RAB4B: variants seen among roughly 807,000 people sequenced by gnomAD.
RAB4B encodes the protein RAB4B, member RAS oncogene family.
Under a neutral mutation model 28.3 loss-of-function variants are expected in RAB4B, and 15 were observed. The observed-to-expected ratio is 0.53, with a 90% CI of 0.35 to 0.82. The LOEUF (loss-of-function observed/expected upper bound fraction) is 0.82. Ranked by LOEUF, RAB4B falls within the 40% of genes least tolerant of loss-of-function variation. The probability of loss-of-function intolerance (pLI) is 0.01; values close to 1 mark genes in which losing one functional copy is unlikely to be tolerated. For missense variants in RAB4B, 244 were observed against 288.5 expected (o/e 0.85, Z 1.12); for synonymous variants, 108 against 116.3 (o/e 0.93, Z 0.46).
chr19:40,792,832 G>A (rs1235442120), intron 7 of RAB4B, among the ~76,000 whole-genome samples: 1 of 151,934 alleles, frequency 6.6e-6, no homozygotes, highest in Non-Finnish European at 1.5e-5. Context: ...CCAGGCTGGA[G>A]TGCAGTGGTG....
At chr19:40,794,052 CAATAT>C (rs1048126737) in intron 7 of RAB4B, among the ~76,000 whole-genome samples, 165 of 151,228 alleles carry the variant, frequency 1.1e-3, no homozygotes, top group African/African-American at 3.6e-3. Context: ...CCCAGCCAAC[CAATAT>C]AATATATCTT....
At chr19:40,782,033 A>C (rs1214372485) in intron 3 of RAB4B, among the ~76,000 whole-genome samples, 4 of 151,748 alleles carry the variant, frequency 2.6e-5, no homozygotes, top group African/African-American at 9.7e-5. Flanking sequence ...AAAAAAAAAA[A>C]AAAAAACCTT....
chr19:40,788,615 A>G (rs1165141210), intron 7 of RAB4B, among the ~76,000 whole-genome samples: 2 of 145,760 alleles, frequency 1.4e-5, no homozygotes, highest in African/African-American at 5.1e-5. Flanking sequence ...GAGATGGGGT[A>G]TTGCTCTGTT....
In RAB4B at chr19:40,783,851, G is replaced by T; in HGVS notation, c.275+11G>T. On this transcript the variant is annotated intron_variant, in intron 4 of 7. Coordinates refer to ENST00000357052, the MANE Select transcript of RAB4B (RefSeq NM_016154.5). The stretch of plus-strand genomic sequence containing the variant: ...GTACGACATCACCAGGTGGGTGCCC[G>T]GGGTGGGTGGGGTAGGGCATGGGTG... 6.4e-7 allele frequency: 1 copy of T among 1,569,476 alleles called. No homozygotes were observed. The highest frequency in any genetic ancestry group is 8.7e-7 in the Non-Finnish European group (1 of 1,152,608).
In RAB4B at chr19:40,786,559, A is replaced by AG. The variant is rs1287375595; in HGVS notation, c.431-100dup. 26 of 1,528,124 alleles carry AG rather than the reference A, an allele frequency of 1.7e-5. No homozygotes were observed. The South Asian group carries it at 2.8e-4, about 16-fold the overall frequency. 94.7% of individuals were successfully genotyped at this position (1,528,124 alleles called of 1,614,324 possible). On this transcript the variant is annotated intron_variant, in intron 5 of 7. Coordinates refer to ENST00000357052, the MANE Select transcript of RAB4B (RefSeq NM_016154.5). The stretch of plus-strand genomic sequence containing the variant: ...TGCGCAGAGGCCTGAGGTGAGGGTA[A>AG]GGGGGGATGGAACATTGGAGGAACA...
In RAB4B at chr19:40,786,897, G is replaced by T; in HGVS notation, c.576G>T (p.Ala192=). 1.2e-6 allele frequency: 2 copies of T among 1,614,126 alleles called. No homozygotes were observed. The highest frequency in any genetic ancestry group is 8.5e-7 in the Non-Finnish European group (1 of 1,180,010). ...RMGSGIQYGD[A]SLRQLRQPRS... ...GCTCTGGCATTCAGTACGGGGATGCGTCCCTCCGCCAGCTTCGGCAGCCTC... is the reference window on the plus strand; with the variant it reads ...GCTCTGGCATTCAGTACGGGGATGCTTCCCTCCGCCAGCTTCGGCAGCCTC... Residue 192 remains alanine (A), a synonymous_variant, in exon 7 of 8, where the codon GCG becomes GCT. Coordinates refer to ENST00000357052, the MANE Select transcript of RAB4B (RefSeq NM_016154.5).
At chr19:40,789,586 C>T (rs1404761124) in intron 7 of RAB4B, among the ~76,000 whole-genome samples, 1 of 150,992 alleles carries the variant, frequency 6.6e-6, no homozygotes, top group African/African-American at 2.4e-5. Flanking sequence ...TCACTGCAAC[C>T]TCTGCCTCCT....
intron 1 of RAB4B, chr19:40,779,099 G>A (rs1415597083): frequency 2.3e-6 from 2 of 883,430 alleles, no homozygotes; most frequent in African/African-American, 3.7e-5. Flanking sequence ...CTGAAGGTCA[G>A]GAGCTATAGT....
intron 3 of RAB4B, among the ~76,000 whole-genome samples, chr19:40,782,786 C>G (rs1171117370): frequency 2.0e-5 from 3 of 151,026 alleles, no homozygotes; most frequent in Admixed American, 6.7e-5. Context: ...GCACTTCAGC[C>G]TGGGCGACAG....
chr19:40,783,350 C>G (rs938646249), intron 3 of RAB4B, among the ~76,000 whole-genome samples: 1 of 151,554 alleles, frequency 6.6e-6, no homozygotes, highest in Admixed American at 6.6e-5. Context: ...GGGAGGATCT[C>G]TCCGTTGGGA....
At chr19:40,786,627 T>C (rs760919181) in intron 5 of RAB4B, 38 bp from the exon 6 acceptor site, 3 of 1,611,752 alleles carry the variant, frequency 1.9e-6, no homozygotes, top group Non-Finnish European at 2.5e-6. Context: ...GGGTGGGGAC[T>C]AACTGGGGCC....
chr19:40,783,967 A>G lies in RAB4B; in HGVS notation c.322A>G (p.Thr108Ala). The G allele has an allele frequency of 1.2e-6, 2 of 1,613,834 alleles. No homozygotes were observed. Among genetic ancestry groups the G allele is most frequent in the East Asian group, 2.2e-5 (1 of 44,864 alleles). Reference sequence around the variant, plus strand: ...GGCTGCCTGGCTGACGGATGCCCGCACCCTGGCCAGCCCCAACATCGTGGT... The same window carrying G: ...GGCTGCCTGGCTGACGGATGCCCGCGCCCTGGCCAGCCCCAACATCGTGGT... ...SLAAWLTDAR[T>A]LASPNIVVIL... The change falls in exon 5 of 8, where the codon ACC (threonine) becomes GCC (alanine). Residue 108 changes from threonine (T) to alanine (A), a missense_variant. Physicochemically the swap from Thr to Ala is moderately conservative, Grantham distance 58. Coordinates refer to ENST00000357052, the MANE Select transcript of RAB4B (RefSeq NM_016154.5).
chr19:40,791,018 G>A (rs2083154445), intron 7 of RAB4B, among the ~76,000 whole-genome samples: 1 of 151,880 alleles, frequency 6.6e-6, no homozygotes, highest in South Asian at 2.1e-4. Context: ...ACCACGTCTG[G>A]CTAATTTTCT....
At position 40,786,649 on chromosome 19, in the gene RAB4B, G is replaced by A. The variant is rs754499918; in HGVS notation, c.431-16G>A. On this transcript the variant is annotated splice_polypyrimidine_tract_variant and intron_variant, in intron 5 of 7. Transcript: ENST00000357052. ...GACTAACTGGGGCCCTGACCTCAGAGTGTGTGCCCCTGCAGAGCTGATGTT... is the reference window on the plus strand; with the variant it reads ...GACTAACTGGGGCCCTGACCTCAGAATGTGTGCCCCTGCAGAGCTGATGTT... The A allele has an allele frequency of 4.2e-5, 68 of 1,613,770 alleles. No homozygotes were observed. Among genetic ancestry groups the A allele is most frequent in the Non-Finnish European group, 4.7e-5 (55 of 1,179,882 alleles).
rs566542387 is a variant in RAB4B, at chr19:40,783,269, A to C, written c.213-509A>C. Among the ~76,000 whole-genome samples the C allele has an allele frequency of 3.9e-5, 6 of 152,030 alleles. No individual in the cohort carries two copies. The South Asian group carries it at 6.3e-4, about 16-fold the overall frequency. ...CAACCTAGCAAAGCCCCATCTTTAC[A>C]AAAAATATTAAGAAATTAGCCAGGT... On this transcript the variant is annotated intron_variant, in intron 3 of 7. Transcript: ENST00000357052.
chr19:40,788,967 A>C (rs2083130472), intron 7 of RAB4B, among the ~76,000 whole-genome samples: 1 of 151,454 alleles, frequency 6.6e-6, no homozygotes, highest in Non-Finnish European at 1.5e-5. Context: ...TATTTAGTAG[A>C]GATGGGGTTT....
chr19:40,786,588 T>G, intron 5 of RAB4B, 77 bp from the exon 6 acceptor site: 63 of 1,586,476 alleles, frequency 4.0e-5, no homozygotes, highest in Non-Finnish European at 4.5e-5. Context: ...AGGAACAGGA[T>G]GAGAGTCAGC....
At position 40,784,722 on chromosome 19, in the gene RAB4B, G is replaced by A. The variant is rs192631396; in HGVS notation, c.430+647G>A. Among the ~76,000 whole-genome samples, 10 of 152,192 alleles carry A rather than the reference G, an allele frequency of 6.6e-5. No homozygotes were observed. The South Asian group carries it at 8.3e-4, about 13-fold the overall frequency. On this transcript the variant is annotated intron_variant, in intron 5 of 7. Transcript: ENST00000357052. Reference sequence around the variant, plus strand: ...AGGTTTCGCCTACCGTCAGGAGGCCGCACAGGGTATTGGTTTTTTAAATTA... The same window carrying A: ...AGGTTTCGCCTACCGTCAGGAGGCCACACAGGGTATTGGTTTTTTAAATTA...
chr19:40,784,496 A>AAACAAC (rs112167083), intron 5 of RAB4B, among the ~76,000 whole-genome samples: 8 of 151,014 alleles, frequency 5.3e-5, no homozygotes, highest in African/African-American at 1.5e-4. Context: ...CTGTCTCCAA[A>AAACAAC]AACAACAACA....
Sources: allele counts gnomAD v4.1 joint callset (sites outside exome capture counted in the v4.1 genomes callset), GRCh38; gene constraint gnomAD v4.1.1; transcripts MANE v1.5; gene names NCBI Gene and HGNC (gene_info 2026-07-23, HGNC 2026-07-21).